Variants in BCAS3 observed in about 807,000 individuals in gnomAD.
BCAS3 encodes BCAS3 microtubule associated cell migration factor.
A neutral mutation model predicts 116.1 loss-of-function variants in BCAS3; 53 were observed. The ratio of observed to expected loss-of-function variants is 0.46; its 90% CI spans 0.37 to 0.57. The LOEUF is 0.57. Ranked by LOEUF, BCAS3 falls within the 20% of genes least tolerant of loss-of-function variation. The pLI, the probability that BCAS3 is intolerant of heterozygous loss-of-function variation, is 0.00. For missense variants in BCAS3, 917 were observed against 1,165.4 expected (o/e 0.79, Z 3.10); for synonymous variants, 391 against 408.2 (o/e 0.96, Z 0.51).
intron 22 of BCAS3, among the ~76,000 whole-genome samples, chr17:61,172,302 C>A: frequency 6.6e-6 from 1 of 152,196 alleles, no homozygotes; most frequent in Admixed American, 6.5e-5. Flanking sequence ...AACGGCAGAA[C>A]CACCTTCTTT....
At chr17:61,207,615 A>G (rs1481910146) in intron 22 of BCAS3, among the ~76,000 whole-genome samples, 1 of 152,018 alleles carries the variant, frequency 6.6e-6, no homozygotes, top group Admixed American at 6.6e-5. Context: ...TTTTGCATTT[A>G]CAAACAAAAC....
chr17:60,796,523 A>G (rs2047227140), intron 6 of BCAS3, among the ~76,000 whole-genome samples: 3 of 152,132 alleles, frequency 2.0e-5, no homozygotes, highest in Admixed American at 2.0e-4. Context: ...AGGTGTTCAT[A>G]GTAGTCTTGG....
Position 61,274,129 on chromosome 17 carries a change from T to G in BCAS3, c.2426-94198T>G, listed in dbSNP as rs544076426. ...CCCCACTCCCCCCACCCCACAACAG[T>G]CCCCGGTGTGTGATGTTCCCCTTCC... On this transcript the variant is annotated intron_variant, in intron 22 of 23. Coordinates refer to ENST00000407086, the MANE Select transcript of BCAS3 (RefSeq NM_017679.5). Among the ~76,000 whole-genome samples the G allele has an allele frequency of 1.8e-3, 277 of 150,278 alleles. 2 individuals carry two copies. The highest frequency in any genetic ancestry group is 6.7e-3 in the African/African-American group (274 of 41,066).
rs1213891054 is a variant in BCAS3 at position 61,327,421 on chromosome 17, G to A, written c.2426-40906G>A. Among the ~76,000 whole-genome samples, 1 of 152,166 alleles carries A rather than the reference G, an allele frequency of 6.6e-6. No individual in the cohort carries two copies. The highest frequency in any genetic ancestry group is 2.4e-5 in the African/African-American group (1 of 41,436). On this transcript the variant is annotated intron_variant, in intron 22 of 23. Transcript: ENST00000407086. This position sits in a 1 kb window ranked among gnomAD's most constrained non-coding sequence, Gnocchi z 5.9. ...TAATATAATAAATGTAAATGTTTATGACATCATAGAATTGTAATGAGACTA... is the reference window on the plus strand; with the variant it reads ...TAATATAATAAATGTAAATGTTTATAACATCATAGAATTGTAATGAGACTA...
intron 6 of BCAS3, among the ~76,000 whole-genome samples, chr17:60,749,223 A>G (rs1233250086): frequency 1.3e-5 from 2 of 151,942 alleles, no homozygotes; most frequent in Non-Finnish European, 2.9e-5. Flanking sequence ...TTCTTCCTTC[A>G]CTCTTGATTG....
chr17:60,902,728 A>C (rs746294355), intron 11 of BCAS3, 25 bp downstream of exon 11: 32 of 1,514,316 alleles, frequency 2.1e-5, no homozygotes, highest in Non-Finnish European at 2.9e-5. Flanking sequence ...AATCTTGGAG[A>C]GTTGTGGTTA....
At chr17:60,862,041 C>T (rs371502604) in intron 7 of BCAS3, among the ~76,000 whole-genome samples, 20 of 152,094 alleles carry the variant, frequency 1.3e-4, no homozygotes, top group Non-Finnish European at 1.9e-4. Flanking sequence ...CCCAGCACTT[C>T]GGGAGGCCGA....
intron 14 of BCAS3, among the ~76,000 whole-genome samples, chr17:60,968,935 G>T (rs1166030557): frequency 6.6e-6 from 1 of 152,022 alleles, no homozygotes; most frequent in Admixed American, 6.5e-5. Flanking sequence ...GAGCACCCAA[G>T]ATGGTGGGAA....
At chr17:60,893,690 C>T (rs1342910594) in intron 10 of BCAS3, among the ~76,000 whole-genome samples, 5 of 144,158 alleles carry the variant, frequency 3.5e-5, no homozygotes, top group Non-Finnish European at 7.5e-5. Flanking sequence ...CTTGTTGCAA[C>T]CTCCGCCTCC....
chr17:60,807,411 T>C (rs533440344), intron 6 of BCAS3, among the ~76,000 whole-genome samples: 1 of 152,096 alleles, frequency 6.6e-6, no homozygotes, highest in Admixed American at 6.5e-5. Flanking sequence ...AATTAGTTGG[T>C]GGGGTATGGG....
In BCAS3 at chr17:60,715,528, A is replaced by T. The variant is rs139076719; in HGVS notation, c.321+6203A>T. Among the ~76,000 whole-genome samples, 263 of 151,290 alleles carry T rather than the reference A, an allele frequency of 1.7e-3. 5 individuals carry two copies. In the East Asian group the frequency reaches 0.042, roughly 24 times the overall value. On this transcript the variant is annotated intron_variant, in intron 5 of 23. Transcript: ENST00000407086. ...TTTTGAGATGGAGTCTCTCTGTGAC[A>T]CTCAGGCTAGAGTGCAGTAGCGCAA...
intron 14 of BCAS3, among the ~76,000 whole-genome samples, chr17:60,977,161 G>A (rs11079408): frequency 0.069 from 10,469 of 152,030 alleles, 1,055 homozygotes; most frequent in African/African-American, 0.22. Context: ...TGCCCCCCAC[G>A]AAACAATATT....
At chr17:60,750,626 G>A (rs1180171894) in intron 6 of BCAS3, among the ~76,000 whole-genome samples, 1 of 152,206 alleles carries the variant, frequency 6.6e-6, no homozygotes, top group Admixed American at 6.5e-5. Flanking sequence ...CTGCTGCATA[G>A]AAGGTTCTGT....
intron 7 of BCAS3, among the ~76,000 whole-genome samples, chr17:60,830,702 G>A (rs2050839153): frequency 6.6e-6 from 1 of 151,960 alleles, no homozygotes; most frequent in Non-Finnish European, 1.5e-5. Flanking sequence ...TTATAAAGCT[G>A]GCTGAAAAAC....
intron 22 of BCAS3, among the ~76,000 whole-genome samples, chr17:61,183,877 A>C (rs886302770): frequency 3.3e-5 from 5 of 152,254 alleles, no homozygotes; most frequent in African/African-American, 1.2e-4. Context: ...CTTCTCAGCT[A>C]GTGCTGGCTG....
intron 23 of BCAS3, chr17:61,389,361 AG>A (rs1260872569): frequency 6.5e-6 from 1 of 152,692 alleles, no homozygotes; most frequent in Non-Finnish European, 1.5e-5. Context: ...ATCACTAGTG[AG>A]GGGTTGGCGG....
chr17:61,271,413 A>C (rs2144630237), intron 22 of BCAS3, among the ~76,000 whole-genome samples: 2 of 29,434 alleles, frequency 6.8e-5, no homozygotes, highest in Admixed American at 8.1e-4. Flanking sequence ...GGTGTAAGCC[A>C]CCATGCCCGG....
chr17:60,817,340 T>C (rs2049521572), intron 7 of BCAS3, among the ~76,000 whole-genome samples: 1 of 152,224 alleles, frequency 6.6e-6, no homozygotes, highest in East Asian at 1.9e-4. Flanking sequence ...TTGTGTGTTA[T>C]ATGCTAAACA....
Position 61,368,386 on chromosome 17 carries a change from G to T in BCAS3, c.2485G>T (p.Gly829Trp). 2 of 1,612,676 alleles carry T rather than the reference G, an allele frequency of 1.2e-6. No homozygotes were observed. The highest frequency in any genetic ancestry group is 4.5e-5 in the East Asian group (2 of 44,820). The change falls in exon 23 of 24, where the codon GGG (glycine) becomes TGG (tryptophan). Residue 829 changes from glycine (G) to tryptophan (W), a missense_variant. Transcript: ENST00000407086. This position sits in a 1 kb window ranked among gnomAD's most constrained non-coding sequence, Gnocchi z 6.0. ...GTGCGGGAGCTGGCCTGAGGGCTTC[G>T]GGCTGCGGCACATGTCCTCCATGGA... ...EVCGSWPEGFGLRHMSSMEHT... is the reference protein window; with the variant it reads ...EVCGSWPEGFWLRHMSSMEHT...
Sources: gnomAD v4.1 joint callset for allele counts (sites outside exome capture counted in the v4.1 genomes callset) on GRCh38, gnomAD v4.1.1 for gene constraint, Gnocchi (gnomAD v3.1) non-coding constraint, MANE v1.5 for transcripts, NCBI Gene and HGNC (gene_info 2026-07-23, HGNC 2026-07-21) for gene names.